The following ZNF475 variants were observed in gnomAD, a reference collection of about 807,000 sequenced individuals.
ZNF475 encodes zinc finger protein 475.
the ZNF475 span, among the ~76,000 whole-genome samples, chr5:122,163,745 C>T: frequency 6.6e-6 from 1 of 152,138 alleles, no homozygotes; most frequent in Non-Finnish European, 1.5e-5. Context: ...GCAGGGAAAG[C>T]AAAAATCCCC....
At chr5:122,168,876 C>G in the ZNF475 span, among the ~76,000 whole-genome samples, 2 of 152,142 alleles carry the variant, frequency 1.3e-5, no homozygotes, top group African/African-American at 2.4e-5. Flanking sequence ...TGATGCAGCT[C>G]TCTTATAGAA....
chr5:122,166,209 C>T, the ZNF475 span, among the ~76,000 whole-genome samples: 1 of 152,168 alleles, frequency 6.6e-6, no homozygotes, highest in Non-Finnish European at 1.5e-5. Flanking sequence ...CTTTCAGTAT[C>T]CCTAAAATCA....
At chr5:122,176,800 A>G in the ZNF475 span, among the ~76,000 whole-genome samples, 4 of 152,138 alleles carry the variant, frequency 2.6e-5, no homozygotes, top group African/African-American at 4.8e-5. Context: ...CTTTTAGTTC[A>G]TCTATTTATC....
At chr5:122,179,698 T>A in the ZNF475 span, 1 of 1,526,742 alleles carries the variant, frequency 6.5e-7, no homozygotes, top group African/African-American at 1.4e-5. Context: ...AGGAGACCAG[T>A]ACCTAAAAAA....
chr5:122,174,341 A>T, the ZNF475 span, among the ~76,000 whole-genome samples: 1 of 152,232 alleles, frequency 6.6e-6, no homozygotes, highest in Non-Finnish European at 1.5e-5. Context: ...TTTCCCTGGA[A>T]GTTTCAGACT....
At chr5:122,176,131 C>A in the ZNF475 span, among the ~76,000 whole-genome samples, 15 of 152,094 alleles carry the variant, frequency 9.9e-5, no homozygotes, top group African/African-American at 7.2e-5. Flanking sequence ...TTTCCAGAAT[C>A]TTTTGTCTGC....
chr5:122,182,543 C>T, the ZNF475 span: 1 of 1,534,902 alleles, frequency 6.5e-7, no homozygotes, highest in Non-Finnish European at 8.7e-7. Context: ...GGACAAGTGC[C>T]CACAGCCAGT....
At chr5:122,165,369 A>G in the ZNF475 span, among the ~76,000 whole-genome samples, 1 of 152,228 alleles carries the variant, frequency 6.6e-6, no homozygotes, top group Admixed American at 6.5e-5. Context: ...TTCACACTCC[A>G]TCTGAGAGAC....
the ZNF475 span, among the ~76,000 whole-genome samples, chr5:122,170,075 C>T: frequency 1.3e-5 from 2 of 152,104 alleles, no homozygotes; most frequent in African/African-American, 4.8e-5. Flanking sequence ...TGTATTCAAC[C>T]ATAAACAATT....
At chr5:122,176,637 T>C in the ZNF475 span, among the ~76,000 whole-genome samples, 4 of 152,160 alleles carry the variant, frequency 2.6e-5, no homozygotes, top group Non-Finnish European at 5.9e-5. Context: ...TAGGAGAGTA[T>C]ACACAGACGG....
chr5:122,164,418 G>C, the ZNF475 span, among the ~76,000 whole-genome samples: 3 of 152,224 alleles, frequency 2.0e-5, no homozygotes, highest in African/African-American at 7.2e-5. Context: ...GAAATCCAGA[G>C]TATAAAGCCA....
the ZNF475 span, among the ~76,000 whole-genome samples, chr5:122,164,176 A>G: frequency 6.6e-6 from 1 of 152,176 alleles, no homozygotes; most frequent in Non-Finnish European, 1.5e-5. Flanking sequence ...TATTGGGGAT[A>G]TGAGTGAGGA....
chr5:122,165,761 CAA>C, the ZNF475 span, among the ~76,000 whole-genome samples: 57 of 117,362 alleles, frequency 4.9e-4, no homozygotes, highest in Middle Eastern at 4.8e-3. Flanking sequence ...ATGCAACCTA[CAA>C]AAAAAAAAAA....
At chr5:122,168,147 C>G in the ZNF475 span, among the ~76,000 whole-genome samples, 104 of 152,290 alleles carry the variant, frequency 6.8e-4, 1 homozygote, top group African/African-American at 2.4e-3. Flanking sequence ...CAGGTTCAAG[C>G]GATTCTCCCG....
At chr5:122,180,962 A>C in the ZNF475 span, among the ~76,000 whole-genome samples, 90 of 152,310 alleles carry the variant, frequency 5.9e-4, no homozygotes, top group African/African-American at 2.1e-3. Flanking sequence ...TCTTTCCAGC[A>C]TTTCTCATTT....
At chr5:122,172,330 A>C in the ZNF475 span, among the ~76,000 whole-genome samples, 1 of 152,206 alleles carries the variant, frequency 6.6e-6, no homozygotes, top group African/African-American at 2.4e-5. Context: ...CCCTAAAGCC[A>C]GATATGGTGC....
chr5:122,165,554 C>T, the ZNF475 span, among the ~76,000 whole-genome samples: 1 of 152,130 alleles, frequency 6.6e-6, no homozygotes, highest in Non-Finnish European at 1.5e-5. Flanking sequence ...GGTAGGAGTG[C>T]CTTTTTCTGA....
the ZNF475 span, chr5:122,182,583 T>G: frequency 4.6e-6 from 7 of 1,535,642 alleles, no homozygotes; most frequent in East Asian, 1.5e-4. Flanking sequence ...TGGGCGTACC[T>G]TCCTGCCAGA....
the ZNF475 span, among the ~76,000 whole-genome samples, chr5:122,180,638 G>T: frequency 6.6e-6 from 1 of 152,208 alleles, no homozygotes; most frequent in African/African-American, 2.4e-5. Flanking sequence ...TTTAAGAGGA[G>T]TATCTTTCAA....
Sources: allele counts gnomAD v4.1 joint callset (sites outside exome capture counted in the v4.1 genomes callset), GRCh38; gene constraint gnomAD v4.1.1; transcripts MANE v1.5; gene names NCBI Gene and HGNC (gene_info 2026-07-23, HGNC 2026-07-21).